The following DNASE1L3 variants were observed in gnomAD, a reference collection of about 807,000 sequenced individuals.
DNASE1L3 encodes deoxyribonuclease 1L3.
A neutral mutation model predicts 30.9 loss-of-function variants in DNASE1L3; 27 were observed. The ratio of observed to expected loss-of-function variants is 0.87; its 90% CI spans 0.64 to 1.20. The LOEUF is 1.20. Ranked by LOEUF, DNASE1L3 falls within the 50% of genes most tolerant of loss-of-function variation. The pLI, the probability that DNASE1L3 is intolerant of heterozygous loss-of-function variation, is 0.00. For missense variants in DNASE1L3, 364 were observed against 378.2 expected (o/e 0.96, Z 0.31); for synonymous variants, 135 against 138.0 (o/e 0.98, Z 0.15).
chr3:58,204,660 C>T, intron 4 of DNASE1L3, 109 bp downstream of exon 4: 3 of 818,000 alleles, frequency 3.7e-6, no homozygotes, highest in Non-Finnish European at 5.9e-6. Context: ...AGAAGCAATG[C>T]ACTGTCACAT....
At chr3:58,210,660 T>C (rs1438852481) in intron 1 of DNASE1L3, 106 bp downstream of exon 1, 1 of 1,542,928 alleles carries the variant, frequency 6.5e-7, no homozygotes. Flanking sequence ...AGCTTCTACA[T>C]TCCCCCTAAG....
Position 58,210,956 on chromosome 3 carries a change from G to C in DNASE1L3, c.-50C>G, listed in dbSNP as rs754900873. The C allele has an allele frequency of 6.2e-6, 10 of 1,604,738 alleles. No homozygotes were observed. Among genetic ancestry groups the C allele is most frequent in the Non-Finnish European group, 8.5e-6 (10 of 1,175,116 alleles). On this transcript the variant is annotated 5_prime_UTR_variant, in exon 1 of 8. Coordinates refer to ENST00000394549, the MANE Select transcript of DNASE1L3 (RefSeq NM_004944.4). Reference sequence around the variant, plus strand: ...CTCTGTGAGAAGACAGCAGTGCTTGGAGTGCTGGATTCTGGCCACTTCCGC... The same window carrying C: ...CTCTGTGAGAAGACAGCAGTGCTTGCAGTGCTGGATTCTGGCCACTTCCGC...
rs748458665 is a variant in DNASE1L3, at chr3:58,210,825, C to T, written c.82G>A (p.Val28Ile). ...ALAMRICSFN[V>I]RSFGESKQED... ...TGCTTGCTTTCCCCAAAGGACCTGA[C>T]GTTGAAGGAGCAGATCCTCATGGCC... The change falls in exon 1 of 8, where the codon GTC becomes ATC. Residue 28 changes from valine (V) to isoleucine (I), a missense_variant. By Grantham distance (29) the Val-to-Ile change is conservative. Transcript: ENST00000394549. The T allele has an allele frequency of 2.7e-5, 44 of 1,614,008 alleles. No homozygotes were observed. The highest frequency in any genetic ancestry group is 5.0e-5 in the Admixed American group (3 of 59,990).
Position 58,199,768 on chromosome 3 carries a change from A to C in DNASE1L3, c.546+1229T>G, listed in dbSNP as rs891780814. Reference sequence around the variant, plus strand: ...GATGCCTCCCCACAGCCCAACACTCAATAGATGCTCAATACATTCTTGTTT... The same window carrying C: ...GATGCCTCCCCACAGCCCAACACTCCATAGATGCTCAATACATTCTTGTTT... On this transcript the variant is annotated intron_variant, in intron 5 of 7. Coordinates refer to ENST00000394549, the MANE Select transcript of DNASE1L3 (RefSeq NM_004944.4). 2.0e-5 allele frequency among the ~76,000 whole-genome samples: 3 copies of C among 152,246 alleles called. No homozygotes were observed. In the East Asian group the frequency reaches 5.8e-4, roughly 29 times the overall value.
At chr3:58,194,579 C>T (rs1371814079) in intron 6 of DNASE1L3, among the ~76,000 whole-genome samples, 3 of 151,096 alleles carry the variant, frequency 2.0e-5, no homozygotes, top group Non-Finnish European at 2.9e-5. Context: ...CTCAACCTCC[C>T]AAAGTGCTGG....
intron 1 of DNASE1L3, among the ~76,000 whole-genome samples, chr3:58,210,503 A>G (rs528131757): frequency 8.5e-5 from 13 of 152,372 alleles, no homozygotes; most frequent in African/African-American, 3.1e-4. Context: ...TCTGGAACGT[A>G]TAATGAGCCA....
At chr3:58,210,558 C>T (rs1233610818) in intron 1 of DNASE1L3, among the ~76,000 whole-genome samples, 1 of 152,190 alleles carries the variant, frequency 6.6e-6, no homozygotes, top group Non-Finnish European at 1.5e-5. Flanking sequence ...CTGTAGTCCC[C>T]CCAGCAACCC....
Position 58,205,371 on chromosome 3 carries a change from G to A in DNASE1L3, c.320+100C>T, listed in dbSNP as rs891209550. ...ATTATTTTGATGAACACTGAGAATT[G>A]GTTAGAAATCAAAATTTGGTTTTGA... On this transcript the variant is annotated intron_variant, in intron 3 of 7. Transcript: ENST00000394549. The A allele has an allele frequency of 5.8e-6, 6 of 1,030,946 alleles. No homozygotes were observed. The South Asian group carries it at 7.8e-5, about 13-fold the overall frequency. The allele number at this position is 1,030,946 out of a possible 1,614,324, so 63.9% of individuals were successfully genotyped here. A position where few individuals can be genotyped will look rare whatever the true frequency, so the allele number is the denominator to read the frequency against.
chr3:58,201,149 T>G (rs751336010), intron 4 of DNASE1L3, 40 bp from the exon 5 acceptor site: 1 of 1,537,602 alleles, frequency 6.5e-7, no homozygotes, highest in Non-Finnish European at 8.9e-7. Flanking sequence ...ACACTTCCCC[T>G]GTCAAGGTCT....
chr3:58,202,295 A>C (rs1575498021), intron 4 of DNASE1L3, among the ~76,000 whole-genome samples: 5 of 133,694 alleles, frequency 3.7e-5, no homozygotes, highest in Admixed American at 7.7e-5. Context: ...ACAGGCATGC[A>C]CCATCATGCC....
At position 58,201,112 on chromosome 3, in the gene DNASE1L3, G is replaced by C. The variant is rs2097400285; in HGVS notation, c.434-3C>G. The C allele has an allele frequency of 1.2e-6, 2 of 1,604,074 alleles. No individual in the cohort carries two copies. The highest frequency in any genetic ancestry group is 4.5e-5 in the East Asian group (2 of 44,598). On this transcript the variant is annotated splice_polypyrimidine_tract_variant and splice_region_variant and intron_variant, in intron 4 of 7. Coordinates refer to ENST00000394549, the MANE Select transcript of DNASE1L3 (RefSeq NM_004944.4). ...GATAATCACGAAGTCTTTGACAGCT[G>C]AGAAACAGGAAAGAGGCGGGGGTCA...
At position 58,210,936 on chromosome 3, in the gene DNASE1L3, T is replaced by C. The variant is rs201246171; in HGVS notation, c.-30A>G. ...GCGCTGCTCTGGCTTCAAGACTCTG[T>C]GAGAAGACAGCAGTGCTTGGAGTGC... is the stretch of plus-strand genomic sequence containing the variant. On this transcript the variant is annotated 5_prime_UTR_variant, in exon 1 of 8. Transcript: ENST00000394549. 2.5e-5 allele frequency: 40 copies of C among 1,611,976 alleles called. No homozygotes were observed. The Admixed American group carries it at 5.8e-4, about 24-fold the overall frequency.
chr3:58,192,855 T>C lies in DNASE1L3; in HGVS notation c.802-52A>G. The C allele has an allele frequency of 6.3e-7, 1 of 1,594,304 alleles. No individual in the cohort carries two copies. The highest frequency in any genetic ancestry group is 1.2e-5 in the South Asian group (1 of 86,816). ...TGGAAATTAGGAGATGCCTGGGAGA[T>C]GCTTTCATTTTAGCGATGAGCAAAT... On this transcript the variant is annotated intron_variant, in intron 7 of 7. Coordinates refer to ENST00000394549, the MANE Select transcript of DNASE1L3 (RefSeq NM_004944.4). The surrounding 1 kb of genome is among the most constrained non-coding windows in gnomAD (Gnocchi z 4.8).
At chr3:58,204,676 C>T (rs1252741567) in intron 4 of DNASE1L3, 93 bp downstream of exon 4, 3 of 1,015,606 alleles carry the variant, frequency 3.0e-6, no homozygotes, top group Middle Eastern at 2.5e-4. Context: ...CACATCCAGC[C>T]TAATGCCTCC....
intron 5 of DNASE1L3, among the ~76,000 whole-genome samples, chr3:58,199,105 G>A (rs907111676): frequency 6.6e-6 from 1 of 152,146 alleles, no homozygotes. Context: ...TTTTGACCTT[G>A]GTGATCACAA....
Position 58,205,977 on chromosome 3 carries a change from G to T in DNASE1L3, c.231-417C>A, listed in dbSNP as rs1575499554. Among the ~76,000 whole-genome samples, 4 of 152,334 alleles carry T rather than the reference G, an allele frequency of 2.6e-5. No individual in the cohort carries two copies. The East Asian group carries it at 7.7e-4, about 29-fold the overall frequency. ...CTGCAGCTGCAGCTCATGCTTTCTG[G>T]TGGAATAAATGTCATCAGGCCACCT... On this transcript the variant is annotated intron_variant, in intron 2 of 7. Coordinates refer to ENST00000394549, the MANE Select transcript of DNASE1L3 (RefSeq NM_004944.4).
In DNASE1L3 at chr3:58,192,818, G is replaced by T. The variant is rs1433369342; in HGVS notation, c.802-15C>A. 6.2e-7 allele frequency: 1 copy of T among 1,606,684 alleles called. No individual in the cohort carries two copies. Among genetic ancestry groups the T allele is most frequent in the Non-Finnish European group, 8.5e-7 (1 of 1,178,334 alleles). ...ACATCCAGGGCCTATAAGGAGAAAG[G>T]GGAGGTAGACATGGAAATTAGGAGA... On this transcript the variant is annotated splice_polypyrimidine_tract_variant and intron_variant, in intron 7 of 7. Coordinates refer to ENST00000394549, the MANE Select transcript of DNASE1L3 (RefSeq NM_004944.4). This position sits in a 1 kb window ranked among gnomAD's most constrained non-coding sequence, Gnocchi z 4.8.
At chr3:58,205,327 G>T in intron 3 of DNASE1L3, 144 bp downstream of exon 3, 1 of 747,108 alleles carries the variant, frequency 1.3e-6, no homozygotes, top group Non-Finnish European at 2.3e-6. Context: ...CTTTGCATAG[G>T]CCCCTAGTTT....
Position 58,192,515 on chromosome 3 carries a change from A to C in DNASE1L3, c.*172T>G, listed in dbSNP as rs934496562. The C allele has an allele frequency of 4.6e-5, 30 of 657,720 alleles. No individual in the cohort carries two copies. The highest frequency in any genetic ancestry group is 4.2e-4 in the African/African-American group (23 of 54,462). The allele number at this position is 657,720 out of a possible 1,614,324, so 40.7% of individuals were successfully genotyped here. A position where few individuals can be genotyped will look rare whatever the true frequency, so the allele number is the denominator to read the frequency against. ...ACAATTCAGGGGAGGTATGAGACCA[A>C]GAGAGATACAAAAGATTCTCCTTCC... On this transcript the variant is annotated 3_prime_UTR_variant, in exon 8 of 8. Coordinates refer to ENST00000394549, the MANE Select transcript of DNASE1L3 (RefSeq NM_004944.4). The surrounding 1 kb of genome is among the most constrained non-coding windows in gnomAD (Gnocchi z 4.8).
Sources: allele counts gnomAD v4.1 joint callset (sites outside exome capture counted in the v4.1 genomes callset), GRCh38; gene constraint gnomAD v4.1.1; non-coding constraint Gnocchi (gnomAD v3.1); transcripts MANE v1.5; gene names NCBI Gene and HGNC (gene_info 2026-07-23, HGNC 2026-07-21).